The following TAFA1 variants were observed in gnomAD, a reference collection of about 807,000 sequenced individuals.
TAFA1 encodes chemokine-like protein TAFA-1.
Under a neutral mutation model 18.5 loss-of-function variants are expected in TAFA1, and 4 were observed. That is an observed-to-expected ratio of 0.22 (90% confidence interval 0.11 to 0.49). The LOEUF (loss-of-function observed/expected upper bound fraction) is 0.49. Ranked by LOEUF, TAFA1 falls within the 20% of genes least tolerant of loss-of-function variation. The probability of loss-of-function intolerance (pLI) is 0.98; values close to 1 mark genes in which losing one functional copy is unlikely to be tolerated. For synonymous variants in TAFA1, 56 were observed against 55.2 expected (o/e 1.01, Z -0.06); for missense variants, 147 against 169.0 (o/e 0.87, Z 0.72).
At chr3:68,518,104 T>G (rs904440267) in intron 3 of TAFA1, among the ~76,000 whole-genome samples, 1 of 152,224 alleles carries the variant, frequency 6.6e-6, no homozygotes, top group African/African-American at 2.4e-5. Flanking sequence ...ACTGATCCTT[T>G]AGCACTCATT....
At chr3:68,539,703 G>GT (rs1559711739) in intron 4 of TAFA1, among the ~76,000 whole-genome samples, 8 of 54,634 alleles carry the variant, frequency 1.5e-4, no homozygotes, top group Non-Finnish European at 2.6e-4. Context: ...TGGGTGGGTG[G>GT]GTGTGTGCAT....
At chr3:68,521,811 G>GGCAGAA (rs1344685422) in intron 3 of TAFA1, among the ~76,000 whole-genome samples, 2 of 147,414 alleles carry the variant, frequency 1.4e-5, no homozygotes, top group Non-Finnish European at 3.0e-5. Flanking sequence ...CTTATGTTGT[G>GGCAGAA]ACAGAAACAT....
At chr3:68,134,402 G>T (rs902493624) in intron 2 of TAFA1, among the ~76,000 whole-genome samples, 1 of 152,052 alleles carries the variant, frequency 6.6e-6, no homozygotes, top group East Asian at 1.9e-4. Flanking sequence ...ACGTACATAT[G>T]GTTGTTTCTT....
At chr3:68,412,779 G>T (rs1266866677) in intron 2 of TAFA1, among the ~76,000 whole-genome samples, 1 of 152,130 alleles carries the variant, frequency 6.6e-6, no homozygotes, top group Non-Finnish European at 1.5e-5. Flanking sequence ...TCTATCATTG[G>T]TGGACATTTG....
At chr3:68,232,696 C>T (rs545592236) in intron 2 of TAFA1, among the ~76,000 whole-genome samples, 1 of 152,100 alleles carries the variant, frequency 6.6e-6, no homozygotes, top group Admixed American at 6.5e-5. Context: ...GTCTCAAACT[C>T]CTGGATTCAA....
chr3:68,296,945 G>A (rs1373622700), intron 2 of TAFA1, among the ~76,000 whole-genome samples: 1 of 152,118 alleles, frequency 6.6e-6, no homozygotes, highest in Non-Finnish European at 1.5e-5. Context: ...ATGTCACAGA[G>A]GCTTCTATAA....
chr3:68,504,832 C>A (rs1297227153), intron 3 of TAFA1, among the ~76,000 whole-genome samples: 15 of 152,126 alleles, frequency 9.9e-5, no homozygotes. Context: ...CTATGGTACA[C>A]AGATGTACCA....
intron 2 of TAFA1, among the ~76,000 whole-genome samples, chr3:68,068,574 A>G (rs1225341197): frequency 6.6e-6 from 1 of 152,192 alleles, no homozygotes; most frequent in Non-Finnish European, 1.5e-5. Context: ...ATAAAAATAT[A>G]TCTGTATTTT....
Position 68,224,896 on chromosome 3 carries a change from CTTTTTTTTTTTTT to C in TAFA1, c.119-192366_119-192354del, listed in dbSNP as rs71112624. Among the ~76,000 whole-genome samples, 15 of 46,366 alleles carry C rather than the reference CTTTTTTTTTTTTT, an allele frequency of 3.2e-4. No individual in the cohort carries two copies. In the South Asian group the frequency reaches 0.011, roughly 35 times the overall value. 30.4% of individuals were successfully genotyped at this position (46,366 alleles called of 152,430 possible). ...TTTCCAAAACGTTTGGCTTGTGGCA[CTTTTTTTTTTTTT>C]TTTTTTTTTTTTTTTTTGAGATGGA... On this transcript the variant is annotated intron_variant, in intron 2 of 4. Coordinates refer to ENST00000478136, the MANE Select transcript of TAFA1 (RefSeq NM_213609.4).
intron 2 of TAFA1, among the ~76,000 whole-genome samples, chr3:68,023,119 A>G (rs945199132): frequency 2.0e-5 from 3 of 151,956 alleles, no homozygotes; most frequent in Admixed American, 1.3e-4. Flanking sequence ...AGACTACAAC[A>G]CAGAAATTTT....
intron 3 of TAFA1, among the ~76,000 whole-genome samples, chr3:68,454,114 C>T (rs1347180155): frequency 6.6e-6 from 1 of 152,140 alleles, no homozygotes; most frequent in African/African-American, 2.4e-5. Context: ...TCTGCAACTT[C>T]ACAATGTGAG....
intron 2 of TAFA1, among the ~76,000 whole-genome samples, chr3:68,213,349 A>G (rs1575683627): frequency 1.3e-5 from 2 of 152,084 alleles, no homozygotes; most frequent in African/African-American, 4.8e-5. Context: ...TTCTGGAATG[A>G]ATGAATGTCA....
At chr3:68,378,071 G>A (rs1320282531) in intron 2 of TAFA1, among the ~76,000 whole-genome samples, 1 of 152,202 alleles carries the variant, frequency 6.6e-6, no homozygotes, top group African/African-American at 2.4e-5. Context: ...GGGGTAGTGT[G>A]GAAGGGAAAT....
chr3:68,524,201 C>A (rs570164527), intron 3 of TAFA1, among the ~76,000 whole-genome samples: 2 of 152,170 alleles, frequency 1.3e-5, no homozygotes, highest in African/African-American at 4.8e-5. Context: ...GCCAGGAGGA[C>A]CTCAGCTGGG....
At chr3:68,090,199 T>A (rs1422913028) in intron 2 of TAFA1, among the ~76,000 whole-genome samples, 1 of 152,196 alleles carries the variant, frequency 6.6e-6, no homozygotes, top group African/African-American at 2.4e-5. Flanking sequence ...CTCCAACACA[T>A]AAAACAAACA....
At chr3:68,392,140 G>A (rs1486101644) in intron 2 of TAFA1, among the ~76,000 whole-genome samples, 1 of 144,092 alleles carries the variant, frequency 6.9e-6, no homozygotes, top group Admixed American at 7.0e-5. Flanking sequence ...ACACACATAG[G>A]CTCAAAATAA....
chr3:68,088,353 A>G (rs2106791622), intron 2 of TAFA1, among the ~76,000 whole-genome samples: 1 of 152,254 alleles, frequency 6.6e-6, no homozygotes, highest in Middle Eastern at 3.4e-3. Context: ...TTTGACACAT[A>G]TAGAGGTTTC....
At chr3:68,437,550 C>A (rs1032584135) in intron 3 of TAFA1, among the ~76,000 whole-genome samples, 1 of 152,080 alleles carries the variant, frequency 6.6e-6, no homozygotes, top group African/African-American at 2.4e-5. Context: ...CAGGGCATAA[C>A]ATGGCAAGGG....
At chr3:68,473,007 A>G (rs2106952662) in intron 3 of TAFA1, among the ~76,000 whole-genome samples, 1 of 152,338 alleles carries the variant, frequency 6.6e-6, no homozygotes, top group Non-Finnish European at 1.5e-5. Context: ...TTAGGAGATT[A>G]CTTTTAAGAA....
Sources: allele counts gnomAD v4.1 joint callset (sites outside exome capture counted in the v4.1 genomes callset), GRCh38; gene constraint gnomAD v4.1.1; transcripts MANE v1.5; gene names NCBI Gene and HGNC (gene_info 2026-07-23, HGNC 2026-07-21).